The following CNTN4 variants were observed in gnomAD, a reference collection of about 807,000 sequenced individuals.
The protein encoded by CNTN4 is contactin-4.
Under a neutral mutation model 122.5 loss-of-function variants are expected in CNTN4, and 77 were observed. The ratio of observed to expected loss-of-function variants is 0.63; its 90% CI spans 0.52 to 0.76. The LOEUF is 0.76. Among genes scored for constraint, CNTN4 ranks in the 30% least tolerant of loss-of-function variants. CNTN4 has a pLI of 0.00. For missense variants in CNTN4, 1,256 were observed against 1,259.1 expected (o/e 1.00, Z 0.04); for synonymous variants, 512 against 447.0 (o/e 1.15, Z -1.83).
intron 2 of CNTN4, among the ~76,000 whole-genome samples, chr3:2,294,610 G>A (rs1361786185): frequency 6.6e-6 from 1 of 152,110 alleles, no homozygotes; most frequent in African/African-American, 2.4e-5. Flanking sequence ...CAGCCTGGGT[G>A]ACAGTGAGAC....
intron 2 of CNTN4, among the ~76,000 whole-genome samples, chr3:2,218,105 A>C (rs1355282001): frequency 6.6e-6 from 1 of 152,168 alleles, no homozygotes; most frequent in Non-Finnish European, 1.5e-5. Context: ...AGGGAAATGC[A>C]TGTGAAGAAT....
At chr3:2,103,390 AAAGT>A (rs1559243274) in intron 2 of CNTN4, among the ~76,000 whole-genome samples, 3 of 152,204 alleles carry the variant, frequency 2.0e-5, no homozygotes, top group African/African-American at 7.2e-5. Flanking sequence ...GCAGATATTT[AAAGT>A]AACTCCCCCC....
intron 2 of CNTN4, among the ~76,000 whole-genome samples, chr3:2,276,068 T>C (rs969267832): frequency 9.2e-5 from 14 of 152,160 alleles, no homozygotes; most frequent in African/African-American, 3.4e-4. Flanking sequence ...AACTTTTATA[T>C]ATTGAAAAAA....
intron 3 of CNTN4, among the ~76,000 whole-genome samples, chr3:2,515,889 T>C (rs1204809167): frequency 6.6e-6 from 1 of 151,384 alleles, no homozygotes; most frequent in Non-Finnish European, 1.5e-5. Flanking sequence ...CGGACTAATA[T>C]TTTACTGTAC....
intron 7 of CNTN4, among the ~76,000 whole-genome samples, chr3:2,836,611 G>A (rs2093230502): frequency 6.6e-6 from 1 of 151,714 alleles, no homozygotes; most frequent in South Asian, 2.1e-4. Flanking sequence ...AAACACTTTA[G>A]GACATGTATA....
At chr3:2,698,833 C>T (rs2086193123) in intron 4 of CNTN4, among the ~76,000 whole-genome samples, 2 of 152,156 alleles carry the variant, frequency 1.3e-5, no homozygotes, top group Non-Finnish European at 2.9e-5. Flanking sequence ...GCCTGGCCAA[C>T]TTCGTGAAAC....
At chr3:2,545,695 T>G (rs1217131975) in intron 3 of CNTN4, among the ~76,000 whole-genome samples, 1 of 152,050 alleles carries the variant, frequency 6.6e-6, no homozygotes, top group East Asian at 1.9e-4. Flanking sequence ...ACTTCTCCTT[T>G]TTTTTCTGTT....
intron 13 of CNTN4, among the ~76,000 whole-genome samples, chr3:2,932,449 A>G (rs1163710091): frequency 2.0e-5 from 3 of 152,174 alleles, no homozygotes. Context: ...AAATTCTGAT[A>G]TGGGCCTCAT....
chr3:2,159,151 G>T (rs575405761), intron 2 of CNTN4, among the ~76,000 whole-genome samples: 1 of 152,262 alleles, frequency 6.6e-6, no homozygotes. Flanking sequence ...TGATCTGAGA[G>T]AGAGTTGTGT....
At chr3:2,269,373 C>T (rs1411593613) in intron 2 of CNTN4, among the ~76,000 whole-genome samples, 1 of 152,028 alleles carries the variant, frequency 6.6e-6, no homozygotes, top group Non-Finnish European at 1.5e-5. Context: ...TTTGGTAATT[C>T]CACAGCATGC....
chr3:2,589,492 G>A (rs949585606), intron 4 of CNTN4, among the ~76,000 whole-genome samples: 1 of 152,152 alleles, frequency 6.6e-6, no homozygotes, highest in African/African-American at 2.4e-5. Context: ...GACTACTCAA[G>A]CCATTCCTTC....
At chr3:2,805,958 G>A (rs904928711) in intron 6 of CNTN4, among the ~76,000 whole-genome samples, 1 of 152,100 alleles carries the variant, frequency 6.6e-6, no homozygotes, top group Admixed American at 6.6e-5. Context: ...CTGGAGTGCA[G>A]TGGTGAGATG....
At chr3:2,265,764 A>T (rs11706207) in intron 2 of CNTN4, among the ~76,000 whole-genome samples, 14,681 of 95,638 alleles carry the variant, frequency 0.15, 871 homozygotes, top group Middle Eastern at 0.25. Flanking sequence ...ATATATATAT[A>T]TTTTTTTTTG....
chr3:3,042,855 T>C, intron 21 of CNTN4, 122 bp from the exon 22 acceptor site: 2 of 786,752 alleles, frequency 2.5e-6, no homozygotes, highest in Admixed American at 4.1e-5. Context: ...CTGATAGCTC[T>C]GCTCATGATG....
rs111353497 is a variant in CNTN4, at chr3:2,994,423, T to G, written c.1486+5951T>G. Among the ~76,000 whole-genome samples the G allele has an allele frequency of 1.7e-3, 258 of 152,098 alleles. 1 individual carries two copies. The highest frequency in any genetic ancestry group is 5.9e-3 in the African/African-American group (245 of 41,510). On this transcript the variant is annotated intron_variant, in intron 14 of 24. Transcript: ENST00000418658. ...AGTCTTTAGTGGAAATTGACTAAGA[T>G]CACAGATACACGTAACAAGAAATTA... is the stretch of plus-strand genomic sequence containing the variant.
intron 2 of CNTN4, among the ~76,000 whole-genome samples, chr3:2,169,435 C>G (rs924036777): frequency 1.3e-5 from 2 of 150,484 alleles, no homozygotes; most frequent in East Asian, 1.9e-4. Context: ...GAGACGGAGT[C>G]TGGCTCTGTC....
At chr3:2,389,166 A>G (rs1575528456) in intron 3 of CNTN4, among the ~76,000 whole-genome samples, 1 of 152,090 alleles carries the variant, frequency 6.6e-6, no homozygotes, top group East Asian at 1.9e-4. Context: ...ATCTCAAAAA[A>G]AAAAGCCACC....
At chr3:2,163,710 G>C (rs2036062324) in intron 2 of CNTN4, among the ~76,000 whole-genome samples, 1 of 151,658 alleles carries the variant, frequency 6.6e-6, no homozygotes, top group Non-Finnish European at 1.5e-5. Flanking sequence ...TTCACAAATG[G>C]AGATACACAA....
intron 3 of CNTN4, among the ~76,000 whole-genome samples, chr3:2,477,272 A>G (rs1488598793): frequency 6.6e-6 from 1 of 152,254 alleles, no homozygotes; most frequent in African/African-American, 2.4e-5. Context: ...GGCTCCAACT[A>G]TAAATGACAT....
Sources: gnomAD v4.1 joint callset for allele counts (sites outside exome capture counted in the v4.1 genomes callset) on GRCh38, gnomAD v4.1.1 for gene constraint, MANE v1.5 for transcripts, NCBI Gene and HGNC (gene_info 2026-07-23, HGNC 2026-07-21) for gene names.